TJP1: variants seen among roughly 807,000 people sequenced by gnomAD.
The protein encoded by TJP1 is tight junction protein 1.
TJP1 carries 43 observed loss-of-function variants against 194.2 expected under a neutral mutation model. That is an observed-to-expected ratio of 0.22 (90% confidence interval 0.17 to 0.29). The LOEUF is 0.29. TJP1 is among the 10% of genes least tolerant of loss of function. The pLI is 1.00. For missense variants in TJP1, 1,971 were observed against 2,185.7 expected (o/e 0.90, Z 1.96); for synonymous variants, 801 against 779.0 (o/e 1.03, Z -0.47).
At position 29,791,035 on chromosome 15, in the gene TJP1, T is replaced by C. The variant is rs561408202; in HGVS notation, c.84+9611A>G. On this transcript the variant is annotated intron_variant, in intron 2 of 27. Transcript: ENST00000614355. ...CAGTTATCCCTTTGATATACTCGTT[T>C]CCTTTTTTTTTGGACGGAGTCTCAC... Among the ~76,000 whole-genome samples the C allele has an allele frequency of 2.0e-5, 3 of 151,954 alleles. No individual in the cohort carries two copies. The East Asian group carries it at 5.8e-4, about 29-fold the overall frequency.
intron 2 of TJP1, among the ~76,000 whole-genome samples, chr15:29,916,984 CT>C (rs1451763857): frequency 1.3e-5 from 2 of 152,200 alleles, no homozygotes; most frequent in East Asian, 3.8e-4. Flanking sequence ...CCACCACCAC[CT>C]TTCATGGTGT....
chr15:29,910,396 C>A (rs2053975810), intron 2 of TJP1, among the ~76,000 whole-genome samples: 1 of 152,210 alleles, frequency 6.6e-6, no homozygotes, highest in Non-Finnish European at 1.5e-5. Flanking sequence ...AGGTGCTTAG[C>A]CTATCGCTAG....
chr15:29,948,965 C>T (rs1247316982), intron 2 of TJP1, among the ~76,000 whole-genome samples: 1 of 150,560 alleles, frequency 6.6e-6, no homozygotes, highest in East Asian at 2.0e-4. Flanking sequence ...ACCACCCCCT[C>T]CACCACCTCT....
intron 8 of TJP1, among the ~76,000 whole-genome samples, chr15:29,755,932 T>C (rs1200962735): frequency 6.6e-6 from 1 of 152,160 alleles, no homozygotes; most frequent in Non-Finnish European, 1.5e-5. Flanking sequence ...TCATGCTCAC[T>C]TTTATAAAAA....
intron 2 of TJP1, among the ~76,000 whole-genome samples, chr15:29,905,577 T>C (rs531990511): frequency 6.6e-6 from 1 of 152,340 alleles, no homozygotes; most frequent in East Asian, 1.9e-4. Context: ...ATAGCAGCTT[T>C]AATCATAATT....
At chr15:29,753,568 T>C (rs1047938041) in intron 8 of TJP1, among the ~76,000 whole-genome samples, 1 of 151,232 alleles carries the variant, frequency 6.6e-6, no homozygotes, top group African/African-American at 2.4e-5. Context: ...TTAGTAAGTA[T>C]TTGGCAAAGG....
At chr15:29,843,379 G>C (rs1313243821) in intron 2 of TJP1, among the ~76,000 whole-genome samples, 4 of 151,944 alleles carry the variant, frequency 2.6e-5, no homozygotes, top group Non-Finnish European at 5.9e-5. Context: ...AGTAGAGACG[G>C]GGTTTCTCTA....
intron 1 of TJP1, among the ~76,000 whole-genome samples, chr15:29,810,826 C>G (rs192411849): frequency 6.6e-6 from 1 of 152,186 alleles, no homozygotes; most frequent in Non-Finnish European, 1.5e-5. Flanking sequence ...CGTGCAAGAG[C>G]CTAGTGTAGG....
In TJP1 at chr15:29,726,994, AG is replaced by A; in HGVS notation, c.2101-4del. 5 of 1,610,748 alleles carry A rather than the reference AG, an allele frequency of 3.1e-6. No individual in the cohort carries two copies. The highest frequency in any genetic ancestry group is 4.2e-6 in the Non-Finnish European group (5 of 1,177,854). ...ACATCTAATAAAGCATGTTTGTCCT[AG>A]AAACAGAAAGAAAAATATATACAAA... On this transcript the variant is annotated splice_polypyrimidine_tract_variant and splice_region_variant and intron_variant, in intron 16 of 27. Transcript: ENST00000614355.
At chr15:29,885,849 G>A (rs1159743152) in intron 2 of TJP1, among the ~76,000 whole-genome samples, 2 of 152,180 alleles carry the variant, frequency 1.3e-5, no homozygotes, top group East Asian at 3.8e-4. Flanking sequence ...AGTAAAAACT[G>A]CATCATGTCG....
chr15:29,930,070 T>C (rs990807429), intron 2 of TJP1, among the ~76,000 whole-genome samples: 8 of 152,228 alleles, frequency 5.3e-5, no homozygotes, highest in African/African-American at 1.9e-4. Flanking sequence ...AAGAAATTGA[T>C]CCAGTAGTTA....
chr15:29,796,733 A>G (rs989899667), intron 2 of TJP1, among the ~76,000 whole-genome samples: 3 of 152,208 alleles, frequency 2.0e-5, no homozygotes, highest in Non-Finnish European at 1.5e-5. Flanking sequence ...ATAATTTTAA[A>G]AAGTATTTGG....
intron 2 of TJP1, among the ~76,000 whole-genome samples, chr15:29,943,976 A>G (rs1425030296): frequency 1.3e-5 from 2 of 152,146 alleles, no homozygotes; most frequent in South Asian, 2.1e-4. Flanking sequence ...AAACTAAATA[A>G]GACTAAACAA....
At position 29,745,100 on chromosome 15, in the gene TJP1, G is replaced by T. The variant is rs531126970; in HGVS notation, c.1011-2319C>A. ...TTGCAGTCATTCCTAAACAAAAACT[G>T]AAATAAGCAATATAATTATGAAAGA... On this transcript the variant is annotated intron_variant, in intron 8 of 27. Coordinates refer to ENST00000614355, the MANE Select transcript of TJP1 (RefSeq NM_001330239.4). Among the ~76,000 whole-genome samples the T allele has an allele frequency of 2.0e-5, 3 of 152,018 alleles. No individual in the cohort carries two copies. The East Asian group carries it at 5.8e-4, about 29-fold the overall frequency.
chr15:29,823,586 A>G (rs1267363012), upstream of TJP1: 1 of 152,178 alleles, frequency 6.6e-6, no homozygotes, highest in Non-Finnish European at 1.5e-5. Context: ...AAATTTAACA[A>G]AGAAGTATGT....
downstream of TJP1, chr15:29,700,084 G>C (rs1249026529): frequency 2.3e-5 from 9 of 391,506 alleles, no homozygotes; most frequent in South Asian, 4.3e-4. Flanking sequence ...TTGTGTGCAG[G>C]ATTTTAAAAC....
intron 8 of TJP1, among the ~76,000 whole-genome samples, chr15:29,747,284 C>CAATA (rs1001186737): frequency 5.9e-5 from 9 of 151,834 alleles, no homozygotes; most frequent in Non-Finnish European, 8.8e-5. Context: ...GACTTTGTCT[C>CAATA]AATAAATAAA....
intron 27 of TJP1, among the ~76,000 whole-genome samples, chr15:29,703,763 C>T (rs1252411738): frequency 6.6e-6 from 1 of 152,046 alleles, no homozygotes; most frequent in Non-Finnish European, 1.5e-5. Flanking sequence ...CTGCCTCAGC[C>T]TCCCGAGTAG....
At chr15:29,775,394 T>C (rs2046951732) in intron 2 of TJP1, among the ~76,000 whole-genome samples, 1 of 151,474 alleles carries the variant, frequency 6.6e-6, no homozygotes, top group Non-Finnish European at 1.5e-5. Context: ...ATTAGTGAAA[T>C]TGTGAAGGAA....
Sources: gnomAD v4.1 joint callset for allele counts (sites outside exome capture counted in the v4.1 genomes callset) on GRCh38, gnomAD v4.1.1 for gene constraint, MANE v1.5 for transcripts, NCBI Gene and HGNC (gene_info 2026-07-23, HGNC 2026-07-21) for gene names.